Variants in PCDH11X observed in about 807,000 individuals in gnomAD.
PCDH11X encodes the protein protocadherin-11 X-linked.
In PCDH11X, 18 loss-of-function variants were observed where a neutral mutation model predicts 53.3. The ratio of observed to expected loss-of-function variants is 0.34; its 90% confidence interval spans 0.23 to 0.50. The LOEUF (loss-of-function observed/expected upper bound fraction) is 0.50. PCDH11X is among the 20% of genes least tolerant of loss of function. The probability of loss-of-function intolerance (pLI) is 0.98; values close to 1 mark genes in which losing one functional copy is unlikely to be tolerated. For missense variants in PCDH11X, 570 were observed against 1,032.4 expected (o/e 0.55, Z 6.14); for synonymous variants, 279 against 393.3 (o/e 0.71, Z 3.44).
At chrX:91,957,655 A>G (rs1385223476) in intron 6 of PCDH11X, among the ~76,000 whole-genome samples, 5 of 110,971 alleles carry the variant, frequency 4.5e-5, no homozygotes, top group Non-Finnish European at 7.5e-5. Context: ...GCTCCATCCC[A>G]GGGGGATACT....
chrX:91,965,877 T>C (rs1366530381), intron 6 of PCDH11X, among the ~76,000 whole-genome samples: 1 of 111,788 alleles, frequency 8.9e-6, no homozygotes, highest in Admixed American at 9.6e-5. Context: ...TAGGTTCTGC[T>C]ACTCACTGCA....
chrX:92,225,295 T>G (rs190354846), intron 7 of PCDH11X, among the ~76,000 whole-genome samples: 1 of 106,601 alleles, frequency 9.4e-6, no homozygotes, highest in Admixed American at 1.0e-4. Flanking sequence ...TTTGTAGTAT[T>G]TCTCCCTTGT....
At chrX:92,006,413 A>G (rs950437984) in intron 6 of PCDH11X, among the ~76,000 whole-genome samples, 7 of 106,937 alleles carry the variant, frequency 6.5e-5, no homozygotes, top group African/African-American at 2.4e-4. Flanking sequence ...ATTATTCAGT[A>G]AGCCAATTGC....
chrX:91,956,336 G>T (rs2061710903), intron 6 of PCDH11X, among the ~76,000 whole-genome samples: 1 of 111,595 alleles, frequency 9.0e-6, no homozygotes, highest in Non-Finnish European at 1.9e-5. Context: ...TTATGTAGTT[G>T]CTTCATAGTG....
At chrX:92,150,953 A>G (rs1290158963) in intron 6 of PCDH11X, among the ~76,000 whole-genome samples, 1 of 110,668 alleles carries the variant, frequency 9.0e-6, no homozygotes, top group East Asian at 2.8e-4. Context: ...AAACCGTTAT[A>G]CTTCTGTTTT....
chrX:92,322,547 A>G (rs1487709604), intron 8 of PCDH11X, among the ~76,000 whole-genome samples: 3 of 111,397 alleles, frequency 2.7e-5, no homozygotes, highest in African/African-American at 9.8e-5. Context: ...TATTTACTGT[A>G]ATTTGATCAT....
At chrX:91,994,630 C>G (rs2062380400) in intron 6 of PCDH11X, among the ~76,000 whole-genome samples, 1 of 105,952 alleles carries the variant, frequency 9.4e-6, no homozygotes. Flanking sequence ...ATCCCATTAG[C>G]ATGGTGATTT....
chrX:92,111,819 C>T (rs1413152363), intron 6 of PCDH11X, among the ~76,000 whole-genome samples: 1 of 109,711 alleles, frequency 9.1e-6, no homozygotes, highest in Non-Finnish European at 1.9e-5. Flanking sequence ...GTGCAGTGGC[C>T]GATCTCGGCT....
rs888770450 is a variant in PCDH11X, at chrX:92,297,638, T to C, written c.3144+34495T>C. Among the ~76,000 whole-genome samples the C allele has an allele frequency of 3.7e-4, 41 of 111,600 alleles. 1 individual carries two copies. The highest frequency in any genetic ancestry group is 1.3e-3 in the African/African-American group (40 of 30,706). Reference sequence around the variant, plus strand: ...GATTGCTTTGACTATTAGGGCTTTTTGGTGCCATATGAATTTTAAAATAGC... The same window carrying C: ...GATTGCTTTGACTATTAGGGCTTTTCGGTGCCATATGAATTTTAAAATAGC... On this transcript the variant is annotated intron_variant, in intron 8 of 10. Coordinates refer to ENST00000682573, the MANE Select transcript of PCDH11X (RefSeq NM_032968.5).
rs1281104592 is a variant in PCDH11X at position 92,575,940 on chromosome X, T to TACACACACAC, written c.3368-42323_3368-42322insCACACACACA. Among the ~76,000 whole-genome samples the TACACACACAC allele has an allele frequency of 2.6e-3, 69 of 26,541 alleles. 1 individual carries two copies. Among genetic ancestry groups the TACACACACAC allele is most frequent in the South Asian group, 6.1e-3 (3 of 489 alleles). The allele number at this position is 26,541 out of a possible 115,157, so 23.0% of individuals were successfully genotyped here. A position where few individuals can be genotyped will look rare whatever the true frequency, so the allele number is the denominator to read the frequency against. On this transcript the variant is annotated intron_variant, in intron 10 of 10. Coordinates refer to ENST00000682573, the MANE Select transcript of PCDH11X (RefSeq NM_032968.5). Reference sequence around the variant, plus strand: ...ATATATATATATATATATATATATATATATACACACACACACACACACACA... The same window carrying TACACACACAC: ...ATATATATATATATATATATATATATACACACACACATATACACACACACACACACACACA...
intron 1 of PCDH11X, among the ~76,000 whole-genome samples, chrX:91,803,303 A>G (rs1175930373): frequency 9.0e-6 from 1 of 111,019 alleles, no homozygotes; most frequent in African/African-American, 3.3e-5. Context: ...GAAATTTTGC[A>G]AAATTTGATT....
intron 1 of PCDH11X, among the ~76,000 whole-genome samples, chrX:91,781,520 C>T (rs995115857): frequency 1.8e-5 from 2 of 113,044 alleles, no homozygotes; most frequent in African/African-American, 3.2e-5. Context: ...GAAAAGGAAA[C>T]GGTACTTGCG....
At chrX:91,902,521 T>C (rs1320503137) in intron 6 of PCDH11X, among the ~76,000 whole-genome samples, 1 of 103,794 alleles carries the variant, frequency 9.6e-6, no homozygotes, top group Non-Finnish European at 2.0e-5. Flanking sequence ...TTCTTAGAGT[T>C]ATATCCTCAG....
chrX:92,436,131 AAAAC>A lies in PCDH11X; in HGVS notation c.3344-32161_3344-32158del, dbSNP rs751137370. On this transcript the variant is annotated intron_variant, in intron 9 of 10. Transcript: ENST00000682573. ...GGAACTTAAACGAATTTATAAGAAA[AAAAC>A]AAACAACCCCATGAAAAAGTGGGCA... Among the ~76,000 whole-genome samples, 416 of 109,373 alleles carry A rather than the reference AAAAC, an allele frequency of 3.8e-3. 1 individual carries two copies. Among genetic ancestry groups the A allele is most frequent in the African/African-American group, 0.013 (379 of 29,898 alleles). The allele number at this position is 109,373 out of a possible 115,157, so 95.0% of individuals were successfully genotyped here.
At chrX:92,169,007 C>T (rs913572614) in intron 6 of PCDH11X, among the ~76,000 whole-genome samples, 1 of 111,593 alleles carries the variant, frequency 9.0e-6, no homozygotes, top group Admixed American at 9.7e-5. Context: ...ACCAGTTTTA[C>T]TAATGAAAAT....
At chrX:92,578,543 C>CT (rs943142948) in intron 10 of PCDH11X, among the ~76,000 whole-genome samples, 1 of 106,472 alleles carries the variant, frequency 9.4e-6, no homozygotes. Flanking sequence ...TTTAAATAAT[C>CT]TTTTTTTCAG....
intron 6 of PCDH11X, among the ~76,000 whole-genome samples, chrX:91,886,470 A>C (rs192452662): frequency 0.01 from 1,152 of 110,777 alleles, 20 homozygotes; most frequent in African/African-American, 0.033. Flanking sequence ...TTAAACAAAA[A>C]ATACTGAAAT....
chrX:92,534,349 A>G (rs1694475952), intron 10 of PCDH11X, among the ~76,000 whole-genome samples: 2 of 111,285 alleles, frequency 1.8e-5, no homozygotes, highest in Non-Finnish European at 3.8e-5. Context: ...AGAGAAGTTT[A>G]GAGAAAAAAA....
chrX:92,147,806 C>CTTTCTTT (rs1569387844), intron 6 of PCDH11X, among the ~76,000 whole-genome samples: 27 of 65,271 alleles, frequency 4.1e-4, no homozygotes, highest in Non-Finnish European at 5.3e-4. Flanking sequence ...TTCTTTTCTT[C>CTTTCTTT]CTTCCTTTCT....
Sources: gnomAD v4.1 joint callset for allele counts (sites outside exome capture counted in the v4.1 genomes callset) on GRCh38, gnomAD v4.1.1 for gene constraint, MANE v1.5 for transcripts, NCBI Gene and HGNC (gene_info 2026-07-23, HGNC 2026-07-21) for gene names.